SLC25A48: variants seen among roughly 807,000 people sequenced by gnomAD.
The protein encoded by SLC25A48 is CTC-321K16.1.
In SLC25A48, 29 loss-of-function variants were observed where a neutral mutation model predicts 32.2. The observed-to-expected ratio is 0.90, with a 90% CI of 0.67 to 1.23. The LOEUF (loss-of-function observed/expected upper bound fraction) is 1.23. SLC25A48 is among the 50% of genes most tolerant of loss of function. The probability of loss-of-function intolerance (pLI) is 0.00; values close to 1 mark genes in which losing one functional copy is unlikely to be tolerated. For synonymous variants in SLC25A48, 164 were observed against 172.3 expected (o/e 0.95, Z 0.38); for missense variants, 399 against 422.7 (o/e 0.94, Z 0.49).
intron 1 of SLC25A48, among the ~76,000 whole-genome samples, chr5:135,582,978 G>A (rs1255031111): frequency 6.6e-6 from 1 of 152,220 alleles, no homozygotes; most frequent in Non-Finnish European, 1.5e-5. Flanking sequence ...ATTTGGGGGT[G>A]CATTGTGGAT....
At chr5:135,850,562 A>T in intron 3 of SLC25A48, 66 bp downstream of exon 3, 2 of 1,473,818 alleles carry the variant, frequency 1.4e-6, no homozygotes, top group Non-Finnish European at 9.5e-7. Context: ...GACCAGGGCC[A>T]CAGCCCCACA....
intron 1 of SLC25A48, among the ~76,000 whole-genome samples, chr5:135,589,743 G>A (rs1251131111): frequency 6.6e-6 from 1 of 152,126 alleles, no homozygotes; most frequent in East Asian, 1.9e-4. Context: ...CTCCCAGGCT[G>A]GAGTGCAGTG....
At chr5:135,753,422 T>C (rs1484872537) in intron 3 of SLC25A48, among the ~76,000 whole-genome samples, 3 of 152,024 alleles carry the variant, frequency 2.0e-5, no homozygotes, top group African/African-American at 7.3e-5. Context: ...ATGGTGTTAT[T>C]AGTGGTAATA....
intron 3 of SLC25A48, among the ~76,000 whole-genome samples, chr5:135,798,145 T>C (rs1757233877): frequency 6.6e-6 from 1 of 151,786 alleles, no homozygotes; most frequent in South Asian, 2.1e-4. Context: ...ATAATAAAAT[T>C]ATTCCAAATA....
At position 135,852,805 on chromosome 5, in the gene SLC25A48, A is replaced by G. The variant is rs773842571; in HGVS notation, c.405A>G (p.Thr135=). The G allele has an allele frequency of 1.2e-6, 2 of 1,608,830 alleles. No homozygotes were observed. The highest frequency in any genetic ancestry group is 1.1e-5 in the South Asian group (1 of 90,920). ...DLIKIRLQMQ[T]QPFRDANLGL... ...TCAAGATCCGGTTGCAGATGCAGAC[A>G]CAACCGTTTCGGGACGGTAAGAGGC... Residue 135 remains threonine (T), a synonymous_variant, in exon 4 of 8, where the codon ACA becomes ACG. Transcript: ENST00000681962.
chr5:135,855,261 A>T (rs1012434953), intron 4 of SLC25A48, among the ~76,000 whole-genome samples: 5 of 152,222 alleles, frequency 3.3e-5, no homozygotes, highest in Non-Finnish European at 7.3e-5. Context: ...CAAGCTGACC[A>T]CAAACCTTCA....
intron 3 of SLC25A48, among the ~76,000 whole-genome samples, chr5:135,799,392 C>T (rs1757265559): frequency 6.6e-6 from 1 of 150,990 alleles, no homozygotes; most frequent in Non-Finnish European, 1.5e-5. Context: ...ACACAGTGCC[C>T]CCCCGCCCCG....
At chr5:135,741,034 T>C (rs1159595288) in intron 3 of SLC25A48, among the ~76,000 whole-genome samples, 1 of 152,218 alleles carries the variant, frequency 6.6e-6, no homozygotes, top group African/African-American at 2.4e-5. Flanking sequence ...ATCACAGATA[T>C]TTACTGAACA....
chr5:135,667,753 C>T (rs531521974), intron 3 of SLC25A48, among the ~76,000 whole-genome samples: 1 of 152,182 alleles, frequency 6.6e-6, no homozygotes, highest in African/African-American at 2.4e-5. Context: ...GAATGAATGA[C>T]GTAAAGCCAT....
intron 2 of SLC25A48, among the ~76,000 whole-genome samples, chr5:135,632,625 G>A (rs1463398887): frequency 6.6e-6 from 1 of 152,154 alleles, no homozygotes; most frequent in Admixed American, 6.5e-5. Context: ...AAACAGAGAG[G>A]AGCCTGGGCA....
Position 135,800,608 on chromosome 5 carries a change from C to G in SLC25A48, c.-520-11915C>G, listed in dbSNP as rs578068275. ...AATATCGCAGTGGCTGTACACCCACCCTCCCGGGTGATGTTGTTTCTAATA... is the reference window on the plus strand; with the variant it reads ...AATATCGCAGTGGCTGTACACCCACGCTCCCGGGTGATGTTGTTTCTAATA... On this transcript the variant is annotated intron_variant, in intron 3 of 10. Transcript: ENST00000646290. Among the ~76,000 whole-genome samples the G allele has an allele frequency of 2.2e-3, 333 of 151,876 alleles. 2 individuals carry two copies. The highest frequency in any genetic ancestry group is 7.8e-3 in the African/African-American group (322 of 41,414).
At chr5:135,861,791 A>G (rs1760817760) in intron 4 of SLC25A48, among the ~76,000 whole-genome samples, 2 of 152,210 alleles carry the variant, frequency 1.3e-5, no homozygotes, top group South Asian at 2.1e-4. Context: ...CATTCTTGGT[A>G]CATATTGTGA....
chr5:135,809,495 G>A (rs915282419), intron 3 of SLC25A48, among the ~76,000 whole-genome samples: 2 of 152,116 alleles, frequency 1.3e-5, no homozygotes, highest in African/African-American at 2.4e-5. Flanking sequence ...CAGGTTTATT[G>A]AAGTATAATT....
intron 6 of SLC25A48, chr5:135,874,980 T>C: frequency 2.5e-6 from 1 of 398,620 alleles, no homozygotes; most frequent in South Asian, 8.7e-5. Flanking sequence ...AGGGCCTCAG[T>C]TTCTCCCAGA....
intron 3 of SLC25A48, among the ~76,000 whole-genome samples, chr5:135,711,234 G>A (rs1320288551): frequency 1.3e-5 from 2 of 152,302 alleles, no homozygotes; most frequent in East Asian, 3.9e-4. Context: ...GCTAACATTA[G>A]GCAACCTTGA....
intron 1 of SLC25A48, among the ~76,000 whole-genome samples, chr5:135,592,556 C>T (rs936210499): frequency 7.9e-5 from 12 of 152,212 alleles, no homozygotes; most frequent in African/African-American, 2.9e-4. Flanking sequence ...GGAAATAGCT[C>T]ATGAAAGGTT....
intron 3 of SLC25A48, among the ~76,000 whole-genome samples, chr5:135,704,563 C>G (rs926508554): frequency 2.0e-5 from 3 of 152,064 alleles, no homozygotes; most frequent in African/African-American, 7.2e-5. Context: ...CAGATAGGAC[C>G]AAAATTAACT....
chr5:135,852,569 G>T lies in SLC25A48; in HGVS notation c.169G>T (p.Gly57Cys), dbSNP rs1444142846. 5.0e-6 allele frequency: 8 copies of T among 1,591,816 alleles called. No individual in the cohort carries two copies. The highest frequency in any genetic ancestry group is 6.9e-6 in the Non-Finnish European group (8 of 1,162,300). ...RVVYRRESMF[G>C]FFKGMSFPLA... The stretch of plus-strand genomic sequence containing the variant: ...CTTCTGGTTTTCACTGCAGATGTTC[G>T]GCTTCTTCAAGGGCATGTCCTTCCC... Residue 57 changes from glycine to cysteine, a missense_variant, in exon 4 of 8, where the codon GGC becomes TGC. By Grantham distance (159) the Gly-to-Cys change is radical. Coordinates refer to ENST00000681962, the MANE Select transcript of SLC25A48 (RefSeq NM_001349336.2).
chr5:135,714,173 C>T lies in SLC25A48; in HGVS notation c.-521+79217C>T, dbSNP rs546921122. 1.1e-4 allele frequency among the ~76,000 whole-genome samples: 17 copies of T among 152,270 alleles called. No individual in the cohort carries two copies. In the South Asian group the frequency reaches 1.7e-3, roughly 15 times the overall value. ...GTGGCCAGAGTGCAGAGAGGCGCAT[C>T]GGCTGAGGGGTTGGCATGCCCCTGT... On this transcript the variant is annotated intron_variant, in intron 3 of 10. Transcript: ENST00000646290.
Sources: allele counts gnomAD v4.1 joint callset (sites outside exome capture counted in the v4.1 genomes callset), GRCh38; gene constraint gnomAD v4.1.1; transcripts MANE v1.5; gene names NCBI Gene and HGNC (gene_info 2026-07-23, HGNC 2026-07-21).